HBP1: variants seen among roughly 807,000 people sequenced by gnomAD.
The protein encoded by HBP1 is HMG box-containing protein 1.
HBP1 carries 20 observed loss-of-function variants against 62.6 expected under a neutral mutation model. The ratio of observed to expected loss-of-function variants is 0.32; its 90% confidence interval spans 0.22 to 0.46. The LOEUF (loss-of-function observed/expected upper bound fraction) is 0.46. Ranked by LOEUF, HBP1 falls within the 20% of genes least tolerant of loss-of-function variation. The probability of loss-of-function intolerance (pLI) is 1.00; values close to 1 mark genes in which losing one functional copy is unlikely to be tolerated. For synonymous variants in HBP1, 232 were observed against 206.2 expected (o/e 1.12, Z -1.07); for missense variants, 480 against 611.8 (o/e 0.78, Z 2.27).
Position 107,202,025 on chromosome 7 carries a change from C to T in HBP1, c.*594C>T, listed in dbSNP as rs1391250134. 1 of 152,674 alleles carries T rather than the reference C, an allele frequency of 6.5e-6. No individual in the cohort carries two copies. The highest frequency in any genetic ancestry group is 1.9e-4 in the East Asian group (1 of 5,200). 9.5% of individuals were successfully genotyped at this position (152,674 alleles called of 1,614,324 possible). On this transcript the variant is annotated 3_prime_UTR_variant, in exon 11 of 11. Coordinates refer to ENST00000222574, the MANE Select transcript of HBP1 (RefSeq NM_012257.4). ...GCCTAAGAGCCACCTGCTGCAGTTA[C>T]CATGGCATGCTGAGTTGATGCACCA...
intron 9 of HBP1, among the ~76,000 whole-genome samples, chr7:107,199,008 T>C (rs950460013): frequency 2.6e-4 from 40 of 152,244 alleles, no homozygotes; most frequent in African/African-American, 7.2e-4. Flanking sequence ...GTGTCAACCA[T>C]TATATGGTAC....
intron 1 of HBP1, among the ~76,000 whole-genome samples, chr7:107,171,120 A>T (rs1422673118): frequency 8.1e-6 from 1 of 122,748 alleles, no homozygotes. Flanking sequence ...GCCAGGCTGG[A>T]GTGCAGGGGT....
chr7:107,171,069 A>ATTTTTT lies in HBP1; in HGVS notation c.-16+1885_-16+1886insTTTTTT, dbSNP rs1292839546. ...TAAATATATATATATATATATATAT[A>ATTTTTT]TATATTTTTTTTTTTTTTTGAGAGG... On this transcript the variant is annotated intron_variant, in intron 1 of 10. Transcript: ENST00000222574. Among the ~76,000 whole-genome samples the ATTTTTT allele has an allele frequency of 1.6e-3, 113 of 72,376 alleles. 14 individuals carry two copies. The highest frequency in any genetic ancestry group is 0.011 in the African/African-American group (103 of 9,414). The allele number at this position is 72,376 out of a possible 152,430, so 47.5% of individuals were successfully genotyped here. A position where few individuals can be genotyped will look rare whatever the true frequency, so the allele number is the denominator to read the frequency against.
Position 107,186,407 on chromosome 7 carries a change from C to A in HBP1, c.587C>A (p.Ser196Ter). The change falls in exon 5 of 11, where the codon TCA (serine) becomes TAA (stop). Residue 196 changes from serine to a stop codon, truncating the protein, a stop_gained. Coordinates refer to ENST00000222574, the MANE Select transcript of HBP1 (RefSeq NM_012257.4). LOFTEE classifies it high-confidence loss of function. ...ESGIFCMSSL[S>*]DDDDLGWCNS... ...GGCATTTTCTGCATGTCCTCCCTGTCAGATGATGATGATTTGGGATGGTGC... is the reference window on the plus strand; with the variant it reads ...GGCATTTTCTGCATGTCCTCCCTGTAAGATGATGATGATTTGGGATGGTGC... The A allele has an allele frequency of 6.2e-7, 1 of 1,613,160 alleles. No individual in the cohort carries two copies. Among genetic ancestry groups the A allele is most frequent in the Non-Finnish European group, 8.5e-7 (1 of 1,179,208 alleles).
At chr7:107,189,157 T>C (rs766901829) in intron 6 of HBP1, 135 bp from the exon 7 acceptor site, 38 of 641,990 alleles carry the variant, frequency 5.9e-5, no homozygotes, top group Non-Finnish European at 9.6e-5. Flanking sequence ...ACTACCGGGT[T>C]TGAAAGCTCT....
chr7:107,170,371 T>C (rs1213797950), intron 1 of HBP1, among the ~76,000 whole-genome samples: 1 of 152,228 alleles, frequency 6.6e-6, no homozygotes, highest in African/African-American at 2.4e-5. Flanking sequence ...TTGGAAATAC[T>C]TTTCTGGTCA....
chr7:107,183,993 TC>T (rs1302814476), intron 3 of HBP1, among the ~76,000 whole-genome samples: 29 of 152,334 alleles, frequency 1.9e-4, no homozygotes, highest in African/African-American at 6.7e-4. Flanking sequence ...GATGAAGAAA[TC>T]AATGCTGTTA....
intron 3 of HBP1, among the ~76,000 whole-genome samples, chr7:107,182,809 A>G (rs2115865016): frequency 6.6e-6 from 1 of 152,314 alleles, no homozygotes; most frequent in South Asian, 2.1e-4. Context: ...GATAAAGAGA[A>G]CCATAGAGTA....
chr7:107,179,830 C>A, intron 1 of HBP1, 49 bp from the exon 2 acceptor site: 2 of 1,282,532 alleles, frequency 1.6e-6, no homozygotes, highest in Non-Finnish European at 2.2e-6. Context: ...TGTGTACTGC[C>A]CAAATTGCAT....
chr7:107,184,041 G>A (rs981451075), intron 3 of HBP1, among the ~76,000 whole-genome samples: 80 of 152,180 alleles, frequency 5.3e-4, no homozygotes, highest in Non-Finnish European at 5.9e-5. Flanking sequence ...TTTTCACAGA[G>A]TATTTAGGCC....
intron 1 of HBP1, among the ~76,000 whole-genome samples, chr7:107,170,834 G>A (rs1224106507): frequency 2.7e-5 from 4 of 149,594 alleles, no homozygotes; most frequent in Non-Finnish European, 4.5e-5. Flanking sequence ...ACATGTCTCC[G>A]CTATCCTGTG....
chr7:107,179,771 C>CA (rs371056753), intron 1 of HBP1, 108 bp from the exon 2 acceptor site: 24,528 of 556,158 alleles, frequency 0.044, no homozygotes, highest in South Asian at 0.057. Flanking sequence ...GACTATGTCT[C>CA]AAAAAAAAAA....
intron 6 of HBP1, among the ~76,000 whole-genome samples, chr7:107,188,846 T>G (rs568598523): frequency 1.3e-5 from 2 of 152,330 alleles, no homozygotes; most frequent in South Asian, 4.1e-4. Flanking sequence ...TGCCTGTCTT[T>G]AAGAGGCCTT....
At position 107,200,248 on chromosome 7, in the gene HBP1, G is replaced by A. The variant is rs1457150960; in HGVS notation, c.1474G>A (p.Glu492Lys). Residue 492 changes from glutamate to lysine, a missense_variant, in exon 10 of 11, where the codon GAA becomes AAA. Physicochemically the swap from Glu to Lys is moderately conservative, Grantham distance 56. Coordinates refer to ENST00000222574, the MANE Select transcript of HBP1 (RefSeq NM_012257.4). ...CACATTAGAAGCAAAGGCTTTGGCTGAAGAACAGAAACGTTTAAATCCTGA... is the reference window on the plus strand; with the variant it reads ...CACATTAGAAGCAAAGGCTTTGGCTAAAGAACAGAAACGTTTAAATCCTGA... ...MYTLEAKALA[E>K]EQKRLNPDCW... 3.7e-6 allele frequency: 6 copies of A among 1,613,204 alleles called. No homozygotes were observed. The highest frequency in any genetic ancestry group is 5.1e-6 in the Non-Finnish European group (6 of 1,179,366).
chr7:107,185,831 C>T lies in HBP1; in HGVS notation c.429C>T (p.Ser143=), dbSNP rs901233336. The T allele has an allele frequency of 1.2e-6, 2 of 1,613,526 alleles. No homozygotes were observed. The highest frequency in any genetic ancestry group is 1.7e-6 in the Non-Finnish European group (2 of 1,179,440). ...RSSPVHIIAT[S]KSLHSYARPP... is the part of the protein sequence containing the mutation. ...CTCCTGTACACATCATAGCCACTAG[C>T]AAAAGTTTACATTCCTATGCACGCC... Residue 143 remains serine (S), a synonymous_variant, in exon 4 of 11, where the codon AGC becomes AGT. Coordinates refer to ENST00000222574, the MANE Select transcript of HBP1 (RefSeq NM_012257.4).
chr7:107,194,682 A>G (rs887361490), intron 8 of HBP1, among the ~76,000 whole-genome samples: 2 of 152,208 alleles, frequency 1.3e-5, no homozygotes, highest in Admixed American at 1.3e-4. Context: ...TCCTGTAGCT[A>G]ATATTAAACT....
intron 3 of HBP1, among the ~76,000 whole-genome samples, chr7:107,183,516 G>T (rs556819346): frequency 6.6e-6 from 1 of 152,098 alleles, no homozygotes; most frequent in South Asian, 2.1e-4. Context: ...ATTTCCACAG[G>T]AAAGAAAACT....
At position 107,200,102 on chromosome 7, in the gene HBP1, G is replaced by C; in HGVS notation, c.1386-58G>C. On this transcript the variant is annotated intron_variant, in intron 9 of 10. Coordinates refer to ENST00000222574, the MANE Select transcript of HBP1 (RefSeq NM_012257.4). ...TTTTTCTCCTGAAGTAGCAGCACTT[G>C]ACATGAGATTTATGAAAAATGTGTG... is the stretch of plus-strand genomic sequence containing the variant. The C allele has an allele frequency of 2.9e-6, 4 of 1,366,048 alleles. No individual in the cohort carries two copies. In the South Asian group the frequency reaches 6.3e-5, roughly 21 times the overall value. The allele number at this position is 1,366,048 out of a possible 1,614,324, so 84.6% of individuals were successfully genotyped here.
intron 1 of HBP1, among the ~76,000 whole-genome samples, chr7:107,171,058 T>A (rs1796547096): frequency 9.3e-5 from 6 of 64,702 alleles, no homozygotes; most frequent in Admixed American, 5.2e-4. Context: ...TATATATATA[T>A]ATATATATAT....
Sources: gnomAD v4.1 joint callset for allele counts (sites outside exome capture counted in the v4.1 genomes callset) on GRCh38, gnomAD v4.1.1 for gene constraint, MANE v1.5 for transcripts, NCBI Gene and HGNC (gene_info 2026-07-23, HGNC 2026-07-21) for gene names.